Variants in ZNF716 observed in about 807,000 individuals in gnomAD.
The protein encoded by ZNF716 is zinc finger protein 716.
In ZNF716, 9 loss-of-function variants were observed where a neutral mutation model predicts 13.4. The ratio of observed to expected loss-of-function variants is 0.67; its 90% CI spans 0.41 to 1.18. The LOEUF is 1.18. Ranked by LOEUF, ZNF716 falls within the 50% of genes most tolerant of loss-of-function variation. The pLI, the probability that ZNF716 is intolerant of heterozygous loss-of-function variation, is 0.01. For synonymous variants in ZNF716, 186 were observed against 195.2 expected (o/e 0.95, Z 0.39); for missense variants, 581 against 576.6 (o/e 1.01, Z -0.08).
chr7:57,468,776 T>G lies in ZNF716; in HGVS notation c.315T>G (p.Asp105Glu). Reference sequence around the variant, plus strand: ...TTCAGTCAGAGCAGGGCATAAAAGATTCACTCCAAAAAGTGATACTGAGAA... The same window carrying G: ...TTCAGTCAGAGCAGGGCATAAAAGAGTCACTCCAAAAAGTGATACTGAGAA... ...QDLQSEQGIKDSLQKVILRRY... is the reference protein window; with the variant it reads ...QDLQSEQGIKESLQKVILRRY... Residue 105 changes from aspartate (D) to glutamate (E), a missense_variant, in exon 4 of 4, where the codon GAT becomes GAG. Transcript: ENST00000420713. 1 of 1,613,356 alleles carries G rather than the reference T, an allele frequency of 6.2e-7. No individual in the cohort carries two copies.
At chr7:57,459,142 TGATAA>T (rs1789658414) in intron 1 of ZNF716, among the ~76,000 whole-genome samples, 1 of 152,242 alleles carries the variant, frequency 6.6e-6, no homozygotes, top group Admixed American at 6.5e-5. Context: ...TTAAAATTAA[TGATAA>T]ACATAAGAAG....
chr7:57,452,160 G>T (rs547217348), intron 1 of ZNF716, among the ~76,000 whole-genome samples: 2 of 152,190 alleles, frequency 1.3e-5, no homozygotes, highest in Admixed American at 1.3e-4. Flanking sequence ...CAGTTTTTGT[G>T]ACATTCCCAA....
intron 1 of ZNF716, among the ~76,000 whole-genome samples, chr7:57,456,907 C>T (rs574398579): frequency 9.2e-5 from 14 of 152,166 alleles, no homozygotes; most frequent in Middle Eastern, 6.8e-3. Flanking sequence ...TTCTAGGTCT[C>T]CTCTCAGGGT....
At chr7:57,462,370 G>A (rs1554323245) in intron 1 of ZNF716, 90 bp from the exon 2 acceptor site, 2 of 1,415,622 alleles carry the variant, frequency 1.4e-6, no homozygotes, top group East Asian at 5.0e-5. Flanking sequence ...TATTTAACAT[G>A]AGTCAAATAA....
At chr7:57,450,447 C>T (rs1789465627) in intron 1 of ZNF716, 120 bp downstream of exon 1, 11 of 1,561,168 alleles carry the variant, frequency 7.0e-6, no homozygotes, top group African/African-American at 1.4e-5. Flanking sequence ...GACCCAAATC[C>T]TCCTTGTCCC....
At chr7:57,464,878 T>A (rs2116419636) in intron 3 of ZNF716, among the ~76,000 whole-genome samples, 1 of 152,330 alleles carries the variant, frequency 6.6e-6, no homozygotes, top group Admixed American at 6.5e-5. Flanking sequence ...GCAGATTATT[T>A]GGTCATACAC....
intron 1 of ZNF716, among the ~76,000 whole-genome samples, chr7:57,461,267 A>AT (rs2116414151): frequency 6.6e-6 from 1 of 152,186 alleles, no homozygotes; most frequent in South Asian, 2.1e-4. Flanking sequence ...ACAAAGAGAG[A>AT]TTTTGTCTCA....
At chr7:57,454,320 TA>T (rs1305135421) in intron 1 of ZNF716, among the ~76,000 whole-genome samples, 1 of 152,246 alleles carries the variant, frequency 6.6e-6, no homozygotes, top group African/African-American at 2.4e-5. Context: ...GTAAGCACCT[TA>T]AAAATTTTTC....
Position 57,468,839 on chromosome 7 carries a change from A to G in ZNF716, c.378A>G (p.Lys126=), listed in dbSNP as rs782468232. ...GKCGQEDLQV[K]KCCKSVGECE... is the part of the protein sequence containing the mutation. Reference sequence around the variant, plus strand: ...GTGGACAGGAGGATTTACAAGTAAAAAAATGCTGTAAAAGTGTAGGTGAGT... The same window carrying G: ...GTGGACAGGAGGATTTACAAGTAAAGAAATGCTGTAAAAGTGTAGGTGAGT... Residue 126 remains lysine, a synonymous_variant, in exon 4 of 4, where the codon AAA becomes AAG. Transcript: ENST00000420713. 89 of 1,613,600 alleles carry G rather than the reference A, an allele frequency of 5.5e-5. No homozygotes were observed. The highest frequency in any genetic ancestry group is 7.0e-5 in the Non-Finnish European group (83 of 1,179,838).
intron 3 of ZNF716, among the ~76,000 whole-genome samples, chr7:57,466,094 G>A (rs1301184405): frequency 2.0e-5 from 3 of 151,980 alleles, no homozygotes; most frequent in Non-Finnish European, 4.4e-5. Context: ...TAGATGACGA[G>A]TTACTGGGTG....
At chr7:57,454,570 A>G (rs550585176) in intron 1 of ZNF716, among the ~76,000 whole-genome samples, 43 of 152,322 alleles carry the variant, frequency 2.8e-4, no homozygotes, top group Non-Finnish European at 5.7e-4. Context: ...TTATACTGAG[A>G]TAAGCAACAG....
Position 57,458,185 on chromosome 7 carries a change from C to T in ZNF716, c.40-4275C>T, listed in dbSNP as rs114921923. On this transcript the variant is annotated intron_variant, in intron 1 of 3. Coordinates refer to ENST00000420713, the MANE Select transcript of ZNF716 (RefSeq NM_001159279.1). ...GGTATATTCCCAATTGTGGGGTTGC[C>T]GGGTCAAATGGTAATTCTGTTATCA... 4.9e-3 allele frequency among the ~76,000 whole-genome samples: 741 copies of T among 152,108 alleles called. 8 individuals carry two copies. Among genetic ancestry groups the T allele is most frequent in the African/African-American group, 0.017 (709 of 41,502 alleles).
intron 1 of ZNF716, among the ~76,000 whole-genome samples, chr7:57,453,167 C>G (rs1789527742): frequency 6.6e-6 from 1 of 152,192 alleles, no homozygotes; most frequent in South Asian, 2.1e-4. Flanking sequence ...AAGAAAACTA[C>G]CCCTAAAGGC....
intron 1 of ZNF716, among the ~76,000 whole-genome samples, chr7:57,458,447 A>T (rs1441252571): frequency 6.9e-6 from 1 of 144,786 alleles, no homozygotes; most frequent in Non-Finnish European, 1.5e-5. Flanking sequence ...TCTGACATGG[A>T]GTTTCACTCT....
At chr7:57,458,912 G>A (rs1449997408) in intron 1 of ZNF716, among the ~76,000 whole-genome samples, 2 of 152,038 alleles carry the variant, frequency 1.3e-5, no homozygotes, top group Non-Finnish European at 2.9e-5. Context: ...TTGTTGATGT[G>A]GATGTTTAGT....
intron 1 of ZNF716, 130 bp downstream of exon 1, chr7:57,450,457 C>T (rs1381225507): frequency 1.3e-6 from 2 of 1,523,006 alleles, no homozygotes; most frequent in African/African-American, 2.8e-5. Context: ...CTCCTTGTCC[C>T]AGCTCGGCTC....
rs1276882680 is a variant in ZNF716, at chr7:57,473,080, A to C, written c.*3131A>C. On this transcript the variant is annotated 3_prime_UTR_variant, in exon 4 of 4. Transcript: ENST00000420713. ...GTCATTTTATGATCATAAAAATTAC[A>C]TGAGTATAATTAATACCCATACATT... 3.9e-5 allele frequency: 6 copies of C among 152,202 alleles called. No homozygotes were observed. The East Asian group carries it at 1.2e-3, about 29-fold the overall frequency. 9.4% of individuals were successfully genotyped at this position (152,202 alleles called of 1,614,324 possible).
intron 3 of ZNF716, among the ~76,000 whole-genome samples, chr7:57,466,491 G>T (rs1789818455): frequency 6.6e-6 from 1 of 152,036 alleles, no homozygotes; most frequent in Non-Finnish European, 1.5e-5. Context: ...ATTCACATGA[G>T]AGCTGGTTGC....
chr7:57,471,964 GA>G lies in ZNF716; in HGVS notation c.*2019del, dbSNP rs1789950233. ...TTGTAAAAAAAAATATAGATTTTCT[GA>G]AAAGCAAATAGTAATGTAACTCACA... On this transcript the variant is annotated 3_prime_UTR_variant, in exon 4 of 4. Transcript: ENST00000420713. 6.6e-6 allele frequency: 1 copy of G among 152,142 alleles called. No individual in the cohort carries two copies. Among genetic ancestry groups the G allele is most frequent in the Admixed American group, 6.5e-5 (1 of 15,268 alleles). The allele number at this position is 152,142 out of a possible 1,614,324, so 9.4% of individuals were successfully genotyped here.
Sources: gnomAD v4.1 joint callset for allele counts (sites outside exome capture counted in the v4.1 genomes callset) on GRCh38, gnomAD v4.1.1 for gene constraint, MANE v1.5 for transcripts, NCBI Gene and HGNC (gene_info 2026-07-23, HGNC 2026-07-21) for gene names.